Variants in TYW1B observed in about 807,000 individuals in gnomAD.
The protein encoded by TYW1B is S-adenosyl-L-methionine-dependent tRNA 4-demethylwyosine synthase TYW1B.
A neutral mutation model predicts 86.9 loss-of-function variants in TYW1B; 73 were observed. The ratio of observed to expected loss-of-function variants is 0.84; its 90% confidence interval spans 0.70 to 1.02. TYW1B has a LOEUF of 1.02. Ranked by LOEUF, TYW1B falls within the 50% of genes least tolerant of loss-of-function variation. The pLI, the probability that TYW1B is intolerant of heterozygous loss-of-function variation, is 0.00. For missense variants in TYW1B, 637 were observed against 827.4 expected (o/e 0.77, Z 2.82); for synonymous variants, 248 against 292.8 (o/e 0.85, Z 1.56).
intron 13 of TYW1B, among the ~76,000 whole-genome samples, chr7:72,593,138 C>T (rs1554431824): frequency 6.6e-6 from 1 of 151,826 alleles, no homozygotes; most frequent in Non-Finnish European, 1.5e-5. Context: ...ACTAAAAATA[C>T]AAAATTAGCT....
intron 7 of TYW1B, among the ~76,000 whole-genome samples, chr7:72,775,788 G>A (rs1554470438): frequency 1.3e-5 from 2 of 151,178 alleles, no homozygotes; most frequent in African/African-American, 4.9e-5. Context: ...GATACCAGAC[G>A]GAACACAGAC....
intron 12 of TYW1B, among the ~76,000 whole-genome samples, chr7:72,617,849 A>G (rs565318472): frequency 6.6e-6 from 1 of 152,262 alleles, no homozygotes; most frequent in African/African-American, 2.4e-5. Context: ...TAAATTATCT[A>G]ACTCTTTTGG....
chr7:72,770,427 CAAAAAAAA>C (rs587645992), intron 7 of TYW1B, among the ~76,000 whole-genome samples: 1 of 94,482 alleles, frequency 1.1e-5, no homozygotes, highest in South Asian at 4.0e-4. Flanking sequence ...GACTCCGTCT[CAAAAAAAA>C]AAAAAAAAAA....
chr7:72,574,763 A>C lies in TYW1B; in HGVS notation c.*735T>G, dbSNP rs1585817751. Reference sequence around the variant, plus strand: ...AAAAGAAATGATCCTCTTCAGTCCAAAGTGTGTTTGTGAGACTAATGACTC... The same window carrying C: ...AAAAGAAATGATCCTCTTCAGTCCACAGTGTGTTTGTGAGACTAATGACTC... On this transcript the variant is annotated 3_prime_UTR_variant, in exon 14 of 14. Transcript: ENST00000620995. The C allele has an allele frequency of 1.0e-6, 1 of 985,316 alleles. No individual in the cohort carries two copies. The highest frequency in any genetic ancestry group is 1.2e-6 in the Non-Finnish European group (1 of 829,920). 61.0% of individuals were successfully genotyped at this position (985,316 alleles called of 1,614,324 possible). A position where few individuals can be genotyped will look rare whatever the true frequency, so the allele number is the denominator to read the frequency against.
intron 12 of TYW1B, among the ~76,000 whole-genome samples, chr7:72,622,570 T>TTA (rs778242697): frequency 1.1e-3 from 160 of 152,246 alleles, no homozygotes; most frequent in Non-Finnish European, 1.4e-3. Context: ...GAGACTCTAG[T>TTA]AAGTGCAGAC....
intron 2 of TYW1B, among the ~76,000 whole-genome samples, chr7:72,816,290 C>T (rs1554479413): frequency 2.6e-5 from 4 of 152,064 alleles, no homozygotes; most frequent in African/African-American, 9.7e-5. Context: ...GCAGGAGAAT[C>T]ACTTGAATCC....
chr7:72,647,871 T>G (rs1554442243), intron 11 of TYW1B, among the ~76,000 whole-genome samples: 1 of 152,012 alleles, frequency 6.6e-6, no homozygotes, highest in African/African-American at 2.4e-5. Flanking sequence ...TATTTTTTAG[T>G]AGAGATGTTT....
At position 72,827,562 on chromosome 7, in the gene TYW1B, A is replaced by G. The variant is rs115858174; in HGVS notation, c.4+510T>C. ...AGCATTTAGAAGCAAGAGAAGGAAC[A>G]TAAAGTAAAAATACTTCATGTGAAA... On this transcript the variant is annotated intron_variant, in intron 1 of 13. Transcript: ENST00000620995. Among the ~76,000 whole-genome samples, 935 of 152,340 alleles carry G rather than the reference A, an allele frequency of 6.1e-3. 8 individuals are homozygous for G. The highest frequency in any genetic ancestry group is 0.021 in the African/African-American group (893 of 41,564).
intron 1 of TYW1B, among the ~76,000 whole-genome samples, chr7:72,827,274 G>GGC (rs1788950349): frequency 6.6e-6 from 1 of 152,140 alleles, no homozygotes; most frequent in South Asian, 2.1e-4. Context: ...CGGGCATGGT[G>GGC]GCGCGCGCCT....
chr7:72,761,935 A>T (rs1452974845), intron 7 of TYW1B, among the ~76,000 whole-genome samples: 1 of 152,112 alleles, frequency 6.6e-6, no homozygotes, highest in Non-Finnish European at 1.5e-5. Context: ...GTTCATGAAA[A>T]CACAATTCAT....
chr7:72,659,762 T>C (rs1204038171), intron 11 of TYW1B, among the ~76,000 whole-genome samples: 1 of 151,742 alleles, frequency 6.6e-6, no homozygotes, highest in East Asian at 1.9e-4. Context: ...AAAAAAACAA[T>C]GAGAGCAAAA....
chr7:72,724,766 G>A (rs1554458358), intron 9 of TYW1B, among the ~76,000 whole-genome samples: 1 of 152,108 alleles, frequency 6.6e-6, no homozygotes, highest in Non-Finnish European at 1.5e-5. Context: ...TCCATTGTAG[G>A]AATTACCAGG....
chr7:72,585,296 C>T (rs1554430316), intron 13 of TYW1B, among the ~76,000 whole-genome samples: 1 of 152,176 alleles, frequency 6.6e-6, no homozygotes. Context: ...ATACAAAGGT[C>T]TCATAGTTCT....
At chr7:72,811,693 C>T (rs1554478287) in intron 3 of TYW1B, among the ~76,000 whole-genome samples, 2 of 151,776 alleles carry the variant, frequency 1.3e-5, no homozygotes, top group East Asian at 1.9e-4. Flanking sequence ...GGGTGGATCA[C>T]TTGAGGTCAG....
chr7:72,646,170 T>C (rs1812924959), intron 11 of TYW1B, among the ~76,000 whole-genome samples: 1 of 151,714 alleles, frequency 6.6e-6, no homozygotes, highest in East Asian at 1.9e-4. Context: ...TTCTCCTACC[T>C]CAGCCTCCTG....
At chr7:72,684,894 T>G (rs1813969275) in intron 11 of TYW1B, among the ~76,000 whole-genome samples, 1 of 152,050 alleles carries the variant, frequency 6.6e-6, no homozygotes, top group African/African-American at 2.4e-5. Flanking sequence ...GCGGATCACT[T>G]GAGGTCAGGA....
intron 6 of TYW1B, among the ~76,000 whole-genome samples, chr7:72,800,622 T>C (rs1310548381): frequency 2.0e-5 from 3 of 151,310 alleles, no homozygotes; most frequent in African/African-American, 7.3e-5. Context: ...TGTCTCATCA[T>C]GAGCCAGTAC....
At chr7:72,650,086 T>G (rs1813023947) in intron 11 of TYW1B, among the ~76,000 whole-genome samples, 1 of 146,646 alleles carries the variant, frequency 6.8e-6, no homozygotes, top group Non-Finnish European at 1.5e-5. Context: ...TTTTTTTTTT[T>G]GGTATTTTTA....
intron 7 of TYW1B, among the ~76,000 whole-genome samples, chr7:72,773,863 G>A (rs187368073): frequency 1.1e-3 from 167 of 152,130 alleles, no homozygotes; most frequent in Admixed American, 3.8e-3. Flanking sequence ...TCAGGAGTTC[G>A]AGAACAGTCT....
Sources: gnomAD v4.1 joint callset for allele counts (sites outside exome capture counted in the v4.1 genomes callset) on GRCh38, gnomAD v4.1.1 for gene constraint, MANE v1.5 for transcripts, NCBI Gene and HGNC (gene_info 2026-07-23, HGNC 2026-07-21) for gene names.